The following TDRP variants were observed in gnomAD, a reference collection of about 807,000 sequenced individuals.
The protein encoded by TDRP is testis development related protein.
In TDRP, 12 loss-of-function variants were observed where a neutral mutation model predicts 10.5. The observed-to-expected ratio is 1.15, with a 90% CI of 0.73 to 1.86. The LOEUF (loss-of-function observed/expected upper bound fraction) is 1.86. Ranked by LOEUF, TDRP falls within the 40% of genes most tolerant of loss-of-function variation. The pLI is 0.00. For missense variants in TDRP, 353 were observed against 229.2 expected, an observed-to-expected ratio of 1.54 and a Z score of -3.49; for synonymous variants, 139 against 95.4, an observed-to-expected ratio of 1.46 and a Z score of -2.67.
chr8:498,124 C>G (rs940232454), intron 1 of TDRP, among the ~76,000 whole-genome samples: 4 of 152,204 alleles, frequency 2.6e-5, no homozygotes, highest in Non-Finnish European at 5.9e-5. Context: ...CAAGTCCCCA[C>G]TGGAGTACTG....
intron 1 of TDRP, among the ~76,000 whole-genome samples, chr8:497,600 G>A (rs1384788853): frequency 1.3e-5 from 2 of 152,306 alleles, no homozygotes; most frequent in Non-Finnish European, 2.9e-5. Flanking sequence ...GCAAATGGTA[G>A]AAAAGAAAAC....
At chr8:511,024 G>A (rs1051414919) in intron 1 of TDRP, among the ~76,000 whole-genome samples, 4 of 152,172 alleles carry the variant, frequency 2.6e-5, no homozygotes, top group Non-Finnish European at 4.4e-5. Flanking sequence ...AAATGAAAAT[G>A]TTGAATTTAA....
intron 1 of TDRP, among the ~76,000 whole-genome samples, chr8:532,837 C>T (rs1395794082): frequency 7.9e-6 from 1 of 127,016 alleles, no homozygotes; most frequent in Non-Finnish European, 1.9e-5. Context: ...TGGAACCCAG[C>T]CACGATCGTT....
At chr8:539,985 A>G (rs905757844) in intron 1 of TDRP, among the ~76,000 whole-genome samples, 6 of 152,248 alleles carry the variant, frequency 3.9e-5, no homozygotes, top group African/African-American at 1.4e-4. Flanking sequence ...AAATATGTCA[A>G]AAATTCTGAG....
At chr8:497,819 G>A (rs904782554) in intron 1 of TDRP, among the ~76,000 whole-genome samples, 2 of 152,268 alleles carry the variant, frequency 1.3e-5, no homozygotes, top group Admixed American at 1.3e-4. Flanking sequence ...GTGCACCTCT[G>A]GACATGGTGT....
chr8:499,895 C>T (rs1475248369), intron 1 of TDRP, among the ~76,000 whole-genome samples: 1 of 152,168 alleles, frequency 6.6e-6, no homozygotes, highest in African/African-American at 2.4e-5. Context: ...GTGGCGACAG[C>T]CTAAGTGCTG....
At chr8:516,932 A>T (rs1801772143) in intron 1 of TDRP, among the ~76,000 whole-genome samples, 1 of 152,218 alleles carries the variant, frequency 6.6e-6, no homozygotes, top group African/African-American at 2.4e-5. Flanking sequence ...GCTAAAAAGA[A>T]ATGCACTATC....
intron 1 of TDRP, among the ~76,000 whole-genome samples, chr8:542,918 T>C (rs1422055833): frequency 6.6e-6 from 1 of 150,722 alleles, no homozygotes; most frequent in Non-Finnish European, 1.5e-5. Context: ...GAAAAGGAGC[T>C]TTAACGAAGG....
chr8:540,978 T>C (rs1802475767), intron 1 of TDRP, among the ~76,000 whole-genome samples: 1 of 152,184 alleles, frequency 6.6e-6, no homozygotes. Flanking sequence ...AGACCAAGAA[T>C]GAAACAGAAT....
intron 1 of TDRP, among the ~76,000 whole-genome samples, chr8:532,349 G>T (rs951739086): frequency 6.6e-6 from 1 of 152,202 alleles, no homozygotes; most frequent in African/African-American, 2.4e-5. Flanking sequence ...CCTGCAATCT[G>T]TCTCAGAAGG....
At chr8:545,176 C>G (rs1237777571), upstream of TDRP, among the ~76,000 whole-genome samples, 3 of 146,114 alleles carry the variant, frequency 2.1e-5, no homozygotes, top group South Asian at 4.6e-4. Context: ...CGGCGAGACC[C>G]TCGCCCTTCA....
chr8:537,366 C>T (rs1041583946), intron 1 of TDRP, among the ~76,000 whole-genome samples: 10 of 152,222 alleles, frequency 6.6e-5, no homozygotes, highest in South Asian at 2.1e-4. Flanking sequence ...CACATCAACT[C>T]GGGCAATGAG....
intron 1 of TDRP, among the ~76,000 whole-genome samples, chr8:502,926 G>C (rs1801344150): frequency 7.1e-6 from 1 of 140,316 alleles, no homozygotes; most frequent in Non-Finnish European, 1.5e-5. Flanking sequence ...CTCAGCACGT[G>C]TCAACATTGA....
chr8:490,932 A>T lies in TDRP; in HGVS notation c.*1467T>A, dbSNP rs113968386. The T allele has an allele frequency of 6.6e-6, 1 of 152,214 alleles. No homozygotes were observed. The highest frequency in any genetic ancestry group is 2.4e-5 in the African/African-American group (1 of 41,456). The allele number at this position is 152,214 out of a possible 1,614,324, so 9.4% of individuals were successfully genotyped here. A position where few individuals can be genotyped will look rare whatever the true frequency, so the allele number is the denominator to read the frequency against. On this transcript the variant is annotated 3_prime_UTR_variant, in exon 3 of 3. Coordinates refer to ENST00000324079, the MANE Select transcript of TDRP (RefSeq NM_001384899.1). ...AGGCTAGATGGATGTAGACTGAGAG[A>T]AGACAGACATAGAGGACAGGTGAAT...
At chr8:508,747 A>G (rs1801533509) in intron 1 of TDRP, among the ~76,000 whole-genome samples, 1 of 152,142 alleles carries the variant, frequency 6.6e-6, no homozygotes, top group Non-Finnish European at 1.5e-5. Context: ...TCAAGACACA[A>G]TTATGCCTTC....
In TDRP at chr8:490,069, C is replaced by T. The variant is rs1483668604; in HGVS notation, c.*2330G>A. 6.6e-6 allele frequency: 1 copy of T among 152,228 alleles called. No homozygotes were observed. The highest frequency in any genetic ancestry group is 6.5e-5 in the Admixed American group (1 of 15,282). 9.4% of individuals were successfully genotyped at this position (152,228 alleles called of 1,614,324 possible). On this transcript the variant is annotated 3_prime_UTR_variant, in exon 3 of 3. Coordinates refer to ENST00000324079, the MANE Select transcript of TDRP (RefSeq NM_001384899.1). ...ACAGTAGAAGGAGCACAGGACAACTCTCTTCACACAAGGAAGCTGTGTGTT... is the reference window on the plus strand; with the variant it reads ...ACAGTAGAAGGAGCACAGGACAACTTTCTTCACACAAGGAAGCTGTGTGTT...
At chr8:531,511 G>C (rs1584880720) in intron 1 of TDRP, among the ~76,000 whole-genome samples, 1 of 152,154 alleles carries the variant, frequency 6.6e-6, no homozygotes, top group South Asian at 2.1e-4. Flanking sequence ...TGAATTGTAG[G>C]ACACCCAGCT....
chr8:517,244 G>A (rs1174338138), intron 1 of TDRP, among the ~76,000 whole-genome samples: 1 of 152,060 alleles, frequency 6.6e-6, no homozygotes. Flanking sequence ...GGCCCTAAAG[G>A]AAATAAAAAT....
intron 1 of TDRP, among the ~76,000 whole-genome samples, chr8:529,690 A>T (rs1007027635): frequency 6.6e-6 from 1 of 152,098 alleles, no homozygotes; most frequent in Non-Finnish European, 1.5e-5. Flanking sequence ...GAACTGTATC[A>T]CCCCACTCCC....
Sources: gnomAD v4.1 joint callset for allele counts (sites outside exome capture counted in the v4.1 genomes callset) on GRCh38, gnomAD v4.1.1 for gene constraint, MANE v1.5 for transcripts, NCBI Gene and HGNC (gene_info 2026-07-23, HGNC 2026-07-21) for gene names.